The following FCHO2 variants were observed in gnomAD, a reference collection of about 807,000 sequenced individuals.
The protein encoded by FCHO2 is F-BAR domain only protein 2.
FCHO2 carries 43 observed loss-of-function variants against 114.1 expected under a neutral mutation model. The ratio of observed to expected loss-of-function variants is 0.38; its 90% confidence interval spans 0.30 to 0.49. FCHO2 has a LOEUF of 0.49. Among genes scored for constraint, FCHO2 ranks in the 20% least tolerant of loss-of-function variants. The probability of loss-of-function intolerance (pLI) is 0.97; values close to 1 mark genes in which losing one functional copy is unlikely to be tolerated. For synonymous variants in FCHO2, 293 were observed against 315.2 expected, an observed-to-expected ratio of 0.93 and a Z score of 0.75; for missense variants, 807 against 950.4, an observed-to-expected ratio of 0.85 and a Z score of 1.98.
chr5:73,087,167 A>G (rs560227694), intron 24 of FCHO2, among the ~76,000 whole-genome samples: 34 of 152,314 alleles, frequency 2.2e-4, no homozygotes, highest in African/African-American at 7.7e-4. Flanking sequence ...GAAAATAGCA[A>G]TGTTATACAA....
intron 5 of FCHO2, among the ~76,000 whole-genome samples, chr5:73,001,104 T>C (rs961646261): frequency 6.6e-6 from 1 of 152,050 alleles, no homozygotes; most frequent in Non-Finnish European, 1.5e-5. Context: ...TCAGAAAATA[T>C]ACATGTTTCT....
intron 11 of FCHO2, among the ~76,000 whole-genome samples, chr5:73,047,416 A>G (rs1757108960): frequency 6.6e-6 from 1 of 152,112 alleles, no homozygotes; most frequent in Admixed American, 6.5e-5. Flanking sequence ...TTTTTAAACA[A>G]AGATAAGCAG....
At chr5:72,977,104 A>G (rs1355220470) in intron 2 of FCHO2, among the ~76,000 whole-genome samples, 1 of 152,118 alleles carries the variant, frequency 6.6e-6, no homozygotes, top group African/African-American at 2.4e-5. Context: ...ATGTGTCTTT[A>G]TAGTAGAATG....
At chr5:73,067,644 AT>A (rs1742419517) in intron 18 of FCHO2, among the ~76,000 whole-genome samples, 1 of 152,026 alleles carries the variant, frequency 6.6e-6, no homozygotes, top group South Asian at 2.1e-4. Context: ...TGTTCCTCAA[AT>A]AACTGAGGAC....
chr5:72,985,662 T>C (rs1753481559), intron 2 of FCHO2, among the ~76,000 whole-genome samples: 1 of 152,070 alleles, frequency 6.6e-6, no homozygotes, highest in Non-Finnish European at 1.5e-5. Context: ...TTTTAATTAA[T>C]TTTTTTTGAA....
At chr5:73,038,377 G>A (rs954178453) in intron 10 of FCHO2, among the ~76,000 whole-genome samples, 1 of 152,094 alleles carries the variant, frequency 6.6e-6, no homozygotes, top group East Asian at 1.9e-4. Context: ...AGACAAACTA[G>A]AATTAAAAGA....
chr5:73,061,402 C>CT (rs1456737612), intron 17 of FCHO2, among the ~76,000 whole-genome samples: 4 of 151,986 alleles, frequency 2.6e-5, no homozygotes, highest in African/African-American at 7.2e-5. Flanking sequence ...AACAAGGTAA[C>CT]TATTTGGTTA....
intron 2 of FCHO2, among the ~76,000 whole-genome samples, chr5:72,987,581 G>C (rs2112660930): frequency 6.6e-6 from 1 of 150,772 alleles, no homozygotes; most frequent in East Asian, 2.0e-4. Flanking sequence ...CAGGTGATCT[G>C]CCAGCCTCGG....
At chr5:73,048,977 C>T (rs913738880) in intron 11 of FCHO2, among the ~76,000 whole-genome samples, 1 of 148,732 alleles carries the variant, frequency 6.7e-6, no homozygotes, top group African/African-American at 2.5e-5. Flanking sequence ...CCCGGGTTCA[C>T]GCCATTCTCC....
chr5:73,068,504 G>A (rs1037767129), intron 18 of FCHO2, 146 bp from the exon 19 acceptor site: 3 of 671,606 alleles, frequency 4.5e-6, no homozygotes, highest in African/African-American at 3.7e-5. Flanking sequence ...AAAATGATAT[G>A]ATATATGGCA....
At chr5:73,006,398 A>G in intron 5 of FCHO2, 47 bp from the exon 6 acceptor site, 1 of 1,168,816 alleles carries the variant, frequency 8.6e-7, no homozygotes, top group Non-Finnish European at 1.1e-6. Flanking sequence ...TAGGAAAGAA[A>G]AAAGGTCAAT....
At chr5:73,040,926 A>C (rs929560463) in intron 10 of FCHO2, among the ~76,000 whole-genome samples, 1 of 152,184 alleles carries the variant, frequency 6.6e-6, no homozygotes, top group Non-Finnish European at 1.5e-5. Flanking sequence ...ATGAAAAGCC[A>C]TTAGAAAGCC....
intron 2 of FCHO2, among the ~76,000 whole-genome samples, chr5:72,987,541 T>C (rs1359348179): frequency 1.3e-5 from 2 of 152,044 alleles, no homozygotes. Context: ...TTTCACCATG[T>C]TAGCCAGGCT....
chr5:72,964,849 TG>T (rs1752103668), intron 1 of FCHO2, among the ~76,000 whole-genome samples: 1 of 152,210 alleles, frequency 6.6e-6, no homozygotes, highest in Non-Finnish European at 1.5e-5. Context: ...AACTGCAGTC[TG>T]AAAATATTAA....
intron 8 of FCHO2, among the ~76,000 whole-genome samples, chr5:73,029,814 T>G (rs758003935): frequency 6.6e-6 from 1 of 152,118 alleles, no homozygotes; most frequent in East Asian, 1.9e-4. Flanking sequence ...AGAACACACT[T>G]ATTACCAAGG....
In FCHO2 at chr5:73,077,555, C is replaced by G. The variant is rs1008540987; in HGVS notation, c.1847+62C>G. The G allele has an allele frequency of 1.0e-5, 15 of 1,485,258 alleles. No homozygotes were observed. In the Admixed American group the frequency reaches 3.2e-4, roughly 31 times the overall value. 92.0% of individuals were successfully genotyped at this position (1,485,258 alleles called of 1,614,324 possible). On this transcript the variant is annotated intron_variant, in intron 21 of 25. Coordinates refer to ENST00000430046, the MANE Select transcript of FCHO2 (RefSeq NM_138782.3). ...TTTTAAGATTTTCTTTCCTGCTGTG[C>G]ACAGTGGCTCACGCCTGTAATCCCA...
chr5:73,019,954 C>A (rs1221453109), intron 8 of FCHO2, among the ~76,000 whole-genome samples: 1 of 152,142 alleles, frequency 6.6e-6, no homozygotes, highest in Non-Finnish European at 1.5e-5. Context: ...TGTCTCCACA[C>A]CTCTCACCAA....
At chr5:73,022,364 T>C (rs1367583262) in intron 8 of FCHO2, among the ~76,000 whole-genome samples, 2 of 152,180 alleles carry the variant, frequency 1.3e-5, no homozygotes, top group African/African-American at 4.8e-5. Flanking sequence ...AAGCCAATTT[T>C]ATTTTGATTT....
chr5:72,998,099 G>A (rs1422343422), intron 5 of FCHO2, among the ~76,000 whole-genome samples: 1 of 152,106 alleles, frequency 6.6e-6, no homozygotes, highest in Non-Finnish European at 1.5e-5. Context: ...CATGTATGGG[G>A]ACAGTAAACA....
Sources: allele counts gnomAD v4.1 joint callset (sites outside exome capture counted in the v4.1 genomes callset), GRCh38; gene constraint gnomAD v4.1.1; transcripts MANE v1.5; gene names NCBI Gene and HGNC (gene_info 2026-07-23, HGNC 2026-07-21).